Variants in CACNA2D3 observed in about 807,000 individuals in gnomAD.
CACNA2D3 encodes the protein voltage-dependent calcium channel subunit alpha-2/delta-3.
A neutral mutation model predicts 160.6 loss-of-function variants in CACNA2D3; 60 were observed. The observed-to-expected ratio is 0.37, with a 90% CI of 0.30 to 0.46. The LOEUF (loss-of-function observed/expected upper bound fraction) is 0.46. CACNA2D3 is among the 20% of genes least tolerant of loss of function. The probability of loss-of-function intolerance (pLI) is 1.00; values close to 1 mark genes in which losing one functional copy is unlikely to be tolerated. For missense variants in CACNA2D3, 1,205 were observed against 1,365.0 expected, an observed-to-expected ratio of 0.88 and a Z score of 1.85; for synonymous variants, 558 against 492.9, an observed-to-expected ratio of 1.13 and a Z score of -1.75.
At chr3:54,131,301 G>A (rs1411054490) in intron 2 of CACNA2D3, among the ~76,000 whole-genome samples, 1 of 152,226 alleles carries the variant, frequency 6.6e-6, no homozygotes, top group Non-Finnish European at 1.5e-5. Context: ...CCTCTGTCAA[G>A]ATATGCACCC....
In CACNA2D3 at chr3:54,822,786, C is replaced by CT. The variant is rs1175540649; in HGVS notation, c.1398+5919dup. ...TCTTTCTTTCTTTCTTTCTTTCTTT[C>CT]TTTCCTTTCTTTCTTTCTTTCTTTC... On this transcript the variant is annotated intron_variant, in intron 14 of 37. Coordinates refer to ENST00000474759, the MANE Select transcript of CACNA2D3 (RefSeq NM_018398.3). Among the ~76,000 whole-genome samples, 254 of 71,722 alleles carry CT rather than the reference C, an allele frequency of 3.5e-3. 5 individuals carry two copies. The highest frequency in any genetic ancestry group is 0.014 in the African/African-American group (231 of 16,958). The allele number at this position is 71,722 out of a possible 152,430, so 47.1% of individuals were successfully genotyped here. A position where few individuals can be genotyped will look rare whatever the true frequency, so the allele number is the denominator to read the frequency against.
At chr3:54,967,974 A>G (rs886399108) in intron 27 of CACNA2D3, among the ~76,000 whole-genome samples, 1 of 152,238 alleles carries the variant, frequency 6.6e-6, no homozygotes, top group Non-Finnish European at 1.5e-5. Flanking sequence ...ACATTATAGT[A>G]AAGTGACTCA....
chr3:54,687,140 T>C (rs1343817193), intron 11 of CACNA2D3, among the ~76,000 whole-genome samples: 4 of 69,670 alleles, frequency 5.7e-5, no homozygotes, highest in Admixed American at 4.6e-4. Context: ...TTTTTGTTTT[T>C]TTTTTTTTTT....
chr3:54,552,183 G>A (rs1702169302), intron 5 of CACNA2D3, among the ~76,000 whole-genome samples: 3 of 152,138 alleles, frequency 2.0e-5, no homozygotes, highest in Admixed American at 2.0e-4. Context: ...TGGGCTGGAT[G>A]CATCTAGGAA....
intron 9 of CACNA2D3, among the ~76,000 whole-genome samples, chr3:54,592,648 T>C (rs1462817913): frequency 6.6e-6 from 1 of 152,080 alleles, no homozygotes; most frequent in African/African-American, 2.4e-5. Context: ...GAGAATGATA[T>C]GATTTTTCTC....
At chr3:54,624,910 G>T (rs77513427) in intron 9 of CACNA2D3, among the ~76,000 whole-genome samples, 1 of 152,174 alleles carries the variant, frequency 6.6e-6, no homozygotes, top group Admixed American at 6.5e-5. Context: ...GATTTCCACC[G>T]GGGGTGGTTG....
rs147221898 is a variant in CACNA2D3, at chr3:54,913,142, T to G, written c.2449+13274T>G. Among the ~76,000 whole-genome samples the G allele has an allele frequency of 5.8e-3, 881 of 152,264 alleles. 14 individuals are homozygous for G. The highest frequency in any genetic ancestry group is 0.019 in the African/African-American group (785 of 41,554). ...CTCGGTCACTCAGACTGGAGTGCAGTGACTGGAATGAATCACTGCAGCCTT... is the reference window on the plus strand; with the variant it reads ...CTCGGTCACTCAGACTGGAGTGCAGGGACTGGAATGAATCACTGCAGCCTT... On this transcript the variant is annotated intron_variant, in intron 27 of 37. Coordinates refer to ENST00000474759, the MANE Select transcript of CACNA2D3 (RefSeq NM_018398.3).
chr3:54,811,398 A>T (rs997137692), intron 13 of CACNA2D3, among the ~76,000 whole-genome samples: 1 of 145,596 alleles, frequency 6.9e-6, no homozygotes, highest in Non-Finnish European at 1.5e-5. Flanking sequence ...TCTCAACTCT[A>T]CCTGGGGTCA....
chr3:54,518,923 T>A (rs1341958991), intron 5 of CACNA2D3, among the ~76,000 whole-genome samples: 1 of 90,906 alleles, frequency 1.1e-5, no homozygotes, highest in African/African-American at 4.3e-5. Flanking sequence ...TGTGAGGAAT[T>A]AACAAGTATA....
intron 27 of CACNA2D3, chr3:54,918,658 G>A (rs1255085432): frequency 1.2e-6 from 2 of 1,614,156 alleles, no homozygotes; most frequent in East Asian, 4.5e-5. Context: ...ACGCAGGTTG[G>A]CCGGCCTTGG....
intron 2 of CACNA2D3, among the ~76,000 whole-genome samples, chr3:54,142,967 A>G (rs1452311049): frequency 1.3e-5 from 2 of 152,204 alleles, no homozygotes; most frequent in East Asian, 3.8e-4. Flanking sequence ...CTGAGTGTGT[A>G]CAAGTACAAC....
rs115679857 is a variant in CACNA2D3 at position 55,063,815 on chromosome 3, G to A, written c.2988-9630G>A. On this transcript the variant is annotated intron_variant, in intron 35 of 37. Transcript: ENST00000474759. ...GGAAGGACCACCTCAAGAATGGGCC[G>A]TGGCAGGGAGACCAGTTGGAAGATA... is the stretch of plus-strand genomic sequence containing the variant. 2.6e-3 allele frequency among the ~76,000 whole-genome samples: 389 copies of A among 152,334 alleles called. 1 individual carries two copies. Among genetic ancestry groups the A allele is most frequent in the African/African-American group, 8.9e-3 (370 of 41,574 alleles).
chr3:54,262,622 T>C (rs1702423478), intron 2 of CACNA2D3, among the ~76,000 whole-genome samples: 2 of 152,238 alleles, frequency 1.3e-5, no homozygotes, highest in South Asian at 4.2e-4. Flanking sequence ...AAAAATCCAT[T>C]CATTCAATCT....
chr3:54,944,170 A>G (rs1701549765), intron 27 of CACNA2D3, among the ~76,000 whole-genome samples: 1 of 151,778 alleles, frequency 6.6e-6, no homozygotes, highest in Admixed American at 6.6e-5. Context: ...AGCTTTCTGC[A>G]TGTTCATTAT....
chr3:54,400,668 A>T (rs1345435305), intron 4 of CACNA2D3, among the ~76,000 whole-genome samples: 1 of 152,152 alleles, frequency 6.6e-6, no homozygotes, highest in Non-Finnish European at 1.5e-5. Flanking sequence ...CACAGAGGAT[A>T]TACAACTGCT....
chr3:54,748,226 C>A (rs1054842538), intron 11 of CACNA2D3, among the ~76,000 whole-genome samples: 1 of 152,160 alleles, frequency 6.6e-6, no homozygotes, highest in Non-Finnish European at 1.5e-5. Context: ...GTAGCCACTT[C>A]CTTCCCCTAA....
chr3:54,427,698 G>C (rs1699929629), intron 4 of CACNA2D3, among the ~76,000 whole-genome samples: 1 of 152,188 alleles, frequency 6.6e-6, no homozygotes, highest in Non-Finnish European at 1.5e-5. Context: ...ATAACTCCAG[G>C]TTACTGTCCT....
chr3:54,376,765 G>A (rs1421938494), intron 3 of CACNA2D3, among the ~76,000 whole-genome samples: 2 of 152,180 alleles, frequency 1.3e-5, no homozygotes, highest in East Asian at 3.9e-4. Context: ...GGCTCAGAGA[G>A]GTATTATAAA....
At chr3:54,181,709 C>T (rs572228388) in intron 2 of CACNA2D3, among the ~76,000 whole-genome samples, 13 of 152,190 alleles carry the variant, frequency 8.5e-5, no homozygotes, top group African/African-American at 2.9e-4. Flanking sequence ...ATTTCATTTA[C>T]TTTTTAAACA....
Sources: gnomAD v4.1 joint callset for allele counts (sites outside exome capture counted in the v4.1 genomes callset) on GRCh38, gnomAD v4.1.1 for gene constraint, MANE v1.5 for transcripts, NCBI Gene and HGNC (gene_info 2026-07-23, HGNC 2026-07-21) for gene names.